The following NFRKB variants were observed in gnomAD, a reference collection of about 807,000 sequenced individuals.
The protein encoded by NFRKB is nuclear factor related to kappa-B-binding protein.
In NFRKB, 62 loss-of-function variants were observed where a neutral mutation model predicts 135.7. The ratio of observed to expected loss-of-function variants is 0.46; its 90% CI spans 0.37 to 0.56. The LOEUF (loss-of-function observed/expected upper bound fraction) is 0.56. Ranked by LOEUF, NFRKB falls within the 20% of genes least tolerant of loss-of-function variation. NFRKB has a pLI of 0.00. For missense variants in NFRKB, 1,545 were observed against 1,662.0 expected, an observed-to-expected ratio of 0.93 and a Z score of 1.22; for synonymous variants, 678 against 635.6, an observed-to-expected ratio of 1.07 and a Z score of -1.00.
Position 129,874,946 on chromosome 11 carries a change from C to A in NFRKB, c.1855-30G>T. 6.2e-7 allele frequency: 1 copy of A among 1,613,222 alleles called. No homozygotes were observed. The highest frequency in any genetic ancestry group is 8.5e-7 in the Non-Finnish European group (1 of 1,179,390). On this transcript the variant is annotated intron_variant, in intron 18 of 26. Transcript: ENST00000682444. This position sits in a 1 kb window ranked among gnomAD's most constrained non-coding sequence, Gnocchi z 4.5. ...AAATCAGACAAAGGGAAATAAGAAACAAGTCAAGCTTAGATAACAGAAGTT... is the reference window on the plus strand; with the variant it reads ...AAATCAGACAAAGGGAAATAAGAAAAAAGTCAAGCTTAGATAACAGAAGTT...
intron 22 of NFRKB, 105 bp downstream of exon 22, chr11:129,873,640 A>C (rs1948621408): frequency 6.9e-7 from 1 of 1,453,398 alleles, no homozygotes; most frequent in Admixed American, 2.0e-5. Context: ...CAGTAGCAAT[A>C]ATCTATGGCT....
In NFRKB at chr11:129,876,852, C is replaced by G. The variant is rs777087266; in HGVS notation, c.1616G>C (p.Arg539Pro). 1 of 1,614,128 alleles carries G rather than the reference C, an allele frequency of 6.2e-7. No homozygotes were observed. Among genetic ancestry groups the G allele is most frequent in the Non-Finnish European group, 8.5e-7 (1 of 1,180,020 alleles). ...YSQPHKAFTF[R>P]MHGFESVVGP... ...CACCACAGACTCAAAGCCGTGCATG[C>G]GAAAGGTGAACGCCTTATGGGGTTG... is the stretch of plus-strand genomic sequence containing the variant. Residue 539 changes from arginine (R) to proline (P), a missense_variant, in exon 17 of 27, where the codon CGC (arginine) becomes CCC (proline). Physicochemically the swap from Arg to Pro is moderately radical, Grantham distance 103 (BLOSUM62 -2). Coordinates refer to ENST00000682444, the MANE Select transcript of NFRKB (RefSeq NM_001143835.2).
chr11:129,870,963 T>G (rs540492745), intron 23 of NFRKB, among the ~76,000 whole-genome samples: 1 of 152,272 alleles, frequency 6.6e-6, no homozygotes, highest in South Asian at 2.1e-4. Flanking sequence ...TCTGCTCTCT[T>G]CAGAAGCAAA....
chr11:129,870,595 G>A (rs976630655), intron 23 of NFRKB, among the ~76,000 whole-genome samples: 2 of 152,016 alleles, frequency 1.3e-5, no homozygotes, highest in Non-Finnish European at 2.9e-5. Context: ...TTGAGACGGG[G>A]TCTTGCTATG....
At chr11:129,878,958 G>A (rs1200777006) in intron 13 of NFRKB, among the ~76,000 whole-genome samples, 3 of 152,200 alleles carry the variant, frequency 2.0e-5, no homozygotes, top group African/African-American at 7.2e-5. Context: ...AGGTAAGAAA[G>A]GCTTCTGGCT....
intron 13 of NFRKB, among the ~76,000 whole-genome samples, chr11:129,880,441 C>T (rs553183048): frequency 1.3e-5 from 2 of 152,194 alleles, no homozygotes; most frequent in East Asian, 3.9e-4. Context: ...TCTCACAGCC[C>T]GTGGGTTGTG....
chr11:129,878,548 T>C lies in NFRKB; in HGVS notation c.1385-5A>G. On this transcript the variant is annotated splice_region_variant and splice_polypyrimidine_tract_variant and intron_variant, in intron 13 of 26. Transcript: ENST00000682444. Reference sequence around the variant, plus strand: ...TTTCATTATCTTGGGATTGGCCTATTAGAGGAATAAAGAGATAAAAAAATA... The same window carrying C: ...TTTCATTATCTTGGGATTGGCCTATCAGAGGAATAAAGAGATAAAAAAATA... 1 of 1,611,974 alleles carries C rather than the reference T, an allele frequency of 6.2e-7. No homozygotes were observed.
intron 2 of NFRKB, among the ~76,000 whole-genome samples, chr11:129,893,667 T>TAAAATG (rs1949660637): frequency 6.6e-6 from 1 of 152,076 alleles, no homozygotes; most frequent in Non-Finnish European, 1.5e-5. Flanking sequence ...ATGCTAACAG[T>TAAAATG]CACTTTATGA....
At chr11:129,892,235 G>A (rs1163331980) in intron 3 of NFRKB, among the ~76,000 whole-genome samples, 1 of 152,094 alleles carries the variant, frequency 6.6e-6, no homozygotes, top group East Asian at 1.9e-4. Context: ...AGTCCCCAGA[G>A]TCCATTATCA....
intron 3 of NFRKB, among the ~76,000 whole-genome samples, chr11:129,891,555 T>C (rs1949560271): frequency 6.6e-6 from 1 of 152,284 alleles, no homozygotes; most frequent in South Asian, 2.1e-4. Flanking sequence ...CCCCAGGCTG[T>C]GATGGATTCC....
In NFRKB at chr11:129,888,712, A is replaced by C. The variant is rs1327303741; in HGVS notation, c.219T>G (p.Phe73Leu). ...CACTGTCTTCAGGAAACTGGGGCAG[A>C]AACTGCTGGAGGTGTTCACGTTGAG... ...SDSQREHLQQ[F>L]LPQFPEDSAE... The change falls in exon 4 of 27, where the codon TTT (phenylalanine) becomes TTG (leucine). Residue 73 changes from phenylalanine to leucine, a missense_variant. Around this residue, in one of 3 missense-constraint regions of NFRKB, gnomAD observed 678 missense variants for 646.7 expected, o/e 1.05. Transcript: ENST00000682444. The C allele has an allele frequency of 1.2e-6, 2 of 1,614,134 alleles. No homozygotes were observed. Among genetic ancestry groups the C allele is most frequent in the African/African-American group, 2.7e-5 (2 of 74,950 alleles).
Position 129,888,774 on chromosome 11 carries a change from C to T in NFRKB, c.157G>A (p.Val53Ile). ...LEDPEIFFDV[V>I]SLSTWQEVLS... ...ACTTCCTGCCATGTTGAGAGGCTGA[C>T]AACATCAAAGAAGATCTCAGGCTAG... The change falls in exon 4 of 27, where the codon GTC (valine) becomes ATC (isoleucine). Residue 53 changes from valine (V) to isoleucine (I), a missense_variant. By Grantham distance (29) the Val-to-Ile change is conservative. This residue lies in a region of NFRKB where 678 missense variants were observed against 646.7 expected (regional missense o/e 1.05). Transcript: ENST00000682444. 6.2e-7 allele frequency: 1 copy of T among 1,613,870 alleles called. No homozygotes were observed. Among genetic ancestry groups the T allele is most frequent in the Non-Finnish European group, 8.5e-7 (1 of 1,179,862 alleles).
At chr11:129,882,261 C>T in intron 10 of NFRKB, 67 bp from the exon 11 acceptor site, 1 of 1,429,316 alleles carries the variant, frequency 7.0e-7, no homozygotes, top group Admixed American at 2.2e-5. Flanking sequence ...GATTCAGGCG[C>T]CCAAGCCTCC....
rs762701622 is a variant in NFRKB at position 129,885,575 on chromosome 11, G to T, written c.500C>A (p.Ala167Asp). ...LLEMARRSGP[A>D]LPFRQKRPSP... The stretch of plus-strand genomic sequence containing the variant: ...AGGGCGTTTCTGCCGGAAGGGAAGG[G>T]CGGGGCCACTCCGCCGGGCCATCTC... The change falls in exon 6 of 27, where the codon GCC becomes GAC. Residue 167 changes from alanine (A) to aspartate (D), a missense_variant. Physicochemically the swap from Ala to Asp is moderately radical, Grantham distance 126. This residue lies in a region of NFRKB where 678 missense variants were observed against 646.7 expected (regional missense o/e 1.05). Coordinates refer to ENST00000682444, the MANE Select transcript of NFRKB (RefSeq NM_001143835.2). 6.2e-7 allele frequency: 1 copy of T among 1,613,148 alleles called. No individual in the cohort carries two copies. Among genetic ancestry groups the T allele is most frequent in the Admixed American group, 1.7e-5 (1 of 60,010 alleles).
At position 129,885,654 on chromosome 11, in the gene NFRKB, G is replaced by C. The variant is rs756097607; in HGVS notation, c.466-45C>G. Reference sequence around the variant, plus strand: ...GGGTACAAGTCATCATCCAAGACCTGTTCTGGAACAATGAACACTCTACAA... The same window carrying C: ...GGGTACAAGTCATCATCCAAGACCTCTTCTGGAACAATGAACACTCTACAA... On this transcript the variant is annotated intron_variant, in intron 5 of 26. Coordinates refer to ENST00000682444, the MANE Select transcript of NFRKB (RefSeq NM_001143835.2). 1.9e-6 allele frequency: 3 copies of C among 1,541,544 alleles called. No individual in the cohort carries two copies. The African/African-American group carries it at 4.1e-5, about 21-fold the overall frequency.
chr11:129,884,924 G>T, intron 6 of NFRKB, 78 bp from the exon 7 acceptor site: 1 of 1,607,074 alleles, frequency 6.2e-7, no homozygotes, highest in Non-Finnish European at 8.5e-7. Flanking sequence ...TGGCCATTTG[G>T]GTTCAACAAG....
chr11:129,886,476 C>A, intron 4 of NFRKB, 32 bp from the exon 5 acceptor site: 1 of 1,596,864 alleles, frequency 6.3e-7, no homozygotes, highest in Non-Finnish European at 8.6e-7. Context: ...ATATTTACAT[C>A]AATCAACAAA....
chr11:129,878,285 C>G, intron 15 of NFRKB, 24 bp downstream of exon 15: 1 of 1,611,708 alleles, frequency 6.2e-7, no homozygotes, highest in Non-Finnish European at 8.5e-7. Context: ...AGGACACCAC[C>G]CACCACTACA....
chr11:129,883,352 A>AT (rs1591517906), intron 8 of NFRKB, 146 bp from the exon 9 acceptor site: 4 of 634,872 alleles, frequency 6.3e-6, no homozygotes, highest in East Asian at 5.4e-5. Context: ...AAAACTATTC[A>AT]TTTTTTCCCT....
Sources: gnomAD v4.1 joint callset for allele counts (sites outside exome capture counted in the v4.1 genomes callset) on GRCh38, gnomAD v4.1.1 for gene constraint, gnomAD v4.1.1 regional missense constraint, Gnocchi (gnomAD v3.1) non-coding constraint, MANE v1.5 for transcripts, NCBI Gene and HGNC (gene_info 2026-07-23, HGNC 2026-07-21) for gene names.